APPBP2: variants seen among roughly 807,000 people sequenced by gnomAD.
APPBP2 encodes amyloid beta precursor protein binding protein 2.
In APPBP2, 15 loss-of-function variants were observed where a neutral mutation model predicts 76.0. The ratio of observed to expected loss-of-function variants is 0.20; its 90% confidence interval spans 0.13 to 0.30. The LOEUF is 0.30. Among genes scored for constraint, APPBP2 ranks in the 10% least tolerant of loss-of-function variants. APPBP2 has a pLI of 1.00. For missense variants in APPBP2, 401 were observed against 687.2 expected, an observed-to-expected ratio of 0.58 and a Z score of 4.66; for synonymous variants, 222 against 242.2, an observed-to-expected ratio of 0.92 and a Z score of 0.77.
At chr17:60,524,610 GAA>G (rs35185909) in intron 1 of APPBP2, among the ~76,000 whole-genome samples, 1,552 of 49,444 alleles carry the variant, frequency 0.031, 14 homozygotes, top group African/African-American at 0.065. Context: ...TGCTAATTCT[GAA>G]AAAAAAAAAA....
At chr17:60,474,467 G>A (rs989407694) in intron 4 of APPBP2, among the ~76,000 whole-genome samples, 2 of 151,792 alleles carry the variant, frequency 1.3e-5, no homozygotes, top group Admixed American at 6.6e-5. Context: ...GAGCCACCCC[G>A]CCCAGCCTCA....
At chr17:60,515,508 T>C (rs779590016) in intron 1 of APPBP2, among the ~76,000 whole-genome samples, 7 of 152,236 alleles carry the variant, frequency 4.6e-5, no homozygotes, top group Non-Finnish European at 7.3e-5. Context: ...TTTTCACTTG[T>C]AACCAGCATC....
Position 60,447,532 on chromosome 17 carries a change from G to T in APPBP2, c.*49C>A. ...CAACATGGTTTTGATTTCACAGTAT[G>T]AATTCCCTGGAATCCGGGAAAAGGT... is the stretch of plus-strand genomic sequence containing the variant. On this transcript the variant is annotated 3_prime_UTR_variant, in exon 13 of 13. Coordinates refer to ENST00000083182, the MANE Select transcript of APPBP2 (RefSeq NM_006380.5). The T allele has an allele frequency of 6.5e-7, 1 of 1,549,410 alleles. No individual in the cohort carries two copies. The highest frequency in any genetic ancestry group is 8.7e-7 in the Non-Finnish European group (1 of 1,149,472).
chr17:60,479,539 A>C (rs2090614544), intron 3 of APPBP2, among the ~76,000 whole-genome samples: 1 of 152,196 alleles, frequency 6.6e-6, no homozygotes, highest in African/African-American at 2.4e-5. Context: ...GTTACTTTCC[A>C]GCTAATGAGC....
chr17:60,450,200 A>T (rs2090382583), intron 12 of APPBP2, among the ~76,000 whole-genome samples: 2 of 147,302 alleles, frequency 1.4e-5, no homozygotes, highest in South Asian at 4.2e-4. Flanking sequence ...GCACTCTGGG[A>T]GGCCAAGGCA....
chr17:60,452,211 T>C (rs187158361), intron 11 of APPBP2, among the ~76,000 whole-genome samples, 166 bp from the exon 12 acceptor site: 71 of 152,332 alleles, frequency 4.7e-4, no homozygotes, highest in African/African-American at 1.7e-3. Flanking sequence ...ATGGGAAGCA[T>C]TACAGAGTTT....
chr17:60,453,524 T>A (rs2090410658), intron 11 of APPBP2, among the ~76,000 whole-genome samples: 1 of 151,096 alleles, frequency 6.6e-6, no homozygotes. Flanking sequence ...TTTCCTAATT[T>A]TTCATGATCC....
chr17:60,457,551 C>T (rs1016771081), intron 9 of APPBP2, among the ~76,000 whole-genome samples: 1 of 151,892 alleles, frequency 6.6e-6, no homozygotes, highest in African/African-American at 2.4e-5. Flanking sequence ...CTCAGCCTCC[C>T]GGATAGGTGG....
chr17:60,507,166 C>G (rs2090875016), intron 1 of APPBP2, among the ~76,000 whole-genome samples: 3 of 151,942 alleles, frequency 2.0e-5, no homozygotes, highest in African/African-American at 7.2e-5. Context: ...ACCCAAGTAG[C>G]AAAACAGTAC....
chr17:60,450,785 GAAAGAAAAAAGA>G (rs1462775077), intron 12 of APPBP2, among the ~76,000 whole-genome samples: 2 of 147,456 alleles, frequency 1.4e-5, no homozygotes, highest in African/African-American at 5.0e-5. Flanking sequence ...AAAAAAAAAA[GAAAGAAAAAAGA>G]AAAAAGAAAA....
At chr17:60,455,339 G>A (rs148810793) in intron 10 of APPBP2, among the ~76,000 whole-genome samples, 158 of 152,186 alleles carry the variant, frequency 1.0e-3, no homozygotes, top group African/African-American at 3.8e-3. Context: ...GGGATTTTAA[G>A]GCAATTTATT....
At chr17:60,501,867 C>T (rs1027964566) in intron 1 of APPBP2, among the ~76,000 whole-genome samples, 3 of 151,938 alleles carry the variant, frequency 2.0e-5, no homozygotes, top group Admixed American at 2.0e-4. Flanking sequence ...GAGGTCAGGT[C>T]GAATTAGGTA....
chr17:60,485,404 T>C (rs1285822716), intron 3 of APPBP2, among the ~76,000 whole-genome samples: 1 of 152,198 alleles, frequency 6.6e-6, no homozygotes, highest in East Asian at 1.9e-4. Context: ...TATTCAGAGA[T>C]TCAACTTCTT....
chr17:60,445,601 TAGGC>T lies in APPBP2; in HGVS notation c.*1976_*1979del, dbSNP rs2090339366. 1 of 152,380 alleles carries T rather than the reference TAGGC, an allele frequency of 6.6e-6. No individual in the cohort carries two copies. The highest frequency in any genetic ancestry group is 6.6e-5 in the Admixed American group (1 of 15,244). The allele number at this position is 152,380 out of a possible 1,614,324, so 9.4% of individuals were successfully genotyped here. The stretch of plus-strand genomic sequence containing the variant: ...AATATCTTTGGAGGTATTAAATATA[TAGGC>T]CCATGAGGATAGAGCTGAGTAACTT... On this transcript the variant is annotated 3_prime_UTR_variant, in exon 13 of 13. Coordinates refer to ENST00000083182, the MANE Select transcript of APPBP2 (RefSeq NM_006380.5).
chr17:60,452,126 A>C (rs1210204218), intron 11 of APPBP2, 81 bp from the exon 12 acceptor site: 2 of 1,353,496 alleles, frequency 1.5e-6, no homozygotes, highest in African/African-American at 3.0e-5. Context: ...AACTGATCTA[A>C]ATGCCAAAGA....
At chr17:60,487,149 G>A (rs1480862385) in intron 3 of APPBP2, among the ~76,000 whole-genome samples, 4 of 151,940 alleles carry the variant, frequency 2.6e-5, no homozygotes, top group Non-Finnish European at 5.9e-5. Flanking sequence ...TTTTTATCTT[G>A]GGGAATCTGA....
At position 60,525,942 on chromosome 17, in the gene APPBP2, TCCTCCTCCG is replaced by T. The variant is rs532149178; in HGVS notation, c.-20_-12del. ...TTCCACGGCCGCCATCTTCCTTCCC[TCCTCCTCCG>T]CCTCCTCCGCCTCCTCCTCCCGAAG... On this transcript the variant is annotated 5_prime_UTR_variant, in exon 1 of 13. Transcript: ENST00000083182. The T allele has an allele frequency of 1.4e-4, 220 of 1,590,324 alleles. No individual in the cohort carries two copies. Among genetic ancestry groups the T allele is most frequent in the South Asian group, 4.7e-4 (41 of 87,632 alleles).
At chr17:60,523,004 G>T (rs76725637) in intron 1 of APPBP2, among the ~76,000 whole-genome samples, 2,957 of 151,544 alleles carry the variant, frequency 0.02, 90 homozygotes, top group African/African-American at 0.066. Flanking sequence ...CTTTACGATT[G>T]TGCCTTTATC....
At chr17:60,449,356 C>T (rs2143279151) in intron 12 of APPBP2, among the ~76,000 whole-genome samples, 1 of 152,300 alleles carries the variant, frequency 6.6e-6, no homozygotes, top group African/African-American at 2.4e-5. Context: ...CTTTGGGAGG[C>T]CCAGGCGGGC....
Sources: gnomAD v4.1 joint callset for allele counts (sites outside exome capture counted in the v4.1 genomes callset) on GRCh38, gnomAD v4.1.1 for gene constraint, MANE v1.5 for transcripts, NCBI Gene and HGNC (gene_info 2026-07-23, HGNC 2026-07-21) for gene names.